The following CDK6 variants were observed in gnomAD, a reference collection of about 807,000 sequenced individuals.
CDK6 encodes the protein cyclin-dependent kinase 6.
In CDK6, 6 loss-of-function variants were observed where a neutral mutation model predicts 37.1. The ratio of observed to expected loss-of-function variants is 0.16; its 90% confidence interval spans 0.09 to 0.32. CDK6 has a LOEUF of 0.32. Ranked by LOEUF, CDK6 falls within the 10% of genes least tolerant of loss-of-function variation. CDK6 has a pLI of 1.00. For missense variants in CDK6, 224 were observed against 418.9 expected (o/e 0.53, Z 4.06); for synonymous variants, 160 against 161.3 (o/e 0.99, Z 0.06).
intron 3 of CDK6, among the ~76,000 whole-genome samples, chr7:92,730,691 T>C (rs1000346735): frequency 6.6e-6 from 1 of 152,208 alleles, no homozygotes; most frequent in Non-Finnish European, 1.5e-5. Flanking sequence ...GGTTCATTCA[T>C]GTTGTGGTGT....
intron 2 of CDK6, among the ~76,000 whole-genome samples, chr7:92,815,987 C>T (rs1801019852): frequency 6.6e-6 from 1 of 152,054 alleles, no homozygotes; most frequent in Non-Finnish European, 1.5e-5. Flanking sequence ...GAAGCAAAGC[C>T]TACATACACT....
chr7:92,671,337 T>C, intron 5 of CDK6, 89 bp downstream of exon 5: 1 of 804,274 alleles, frequency 1.2e-6, no homozygotes, highest in East Asian at 2.9e-5. Context: ...TGACCCCTAA[T>C]GATAGAAATG....
At chr7:92,642,163 C>G (rs1419898775) in intron 5 of CDK6, among the ~76,000 whole-genome samples, 1 of 152,132 alleles carries the variant, frequency 6.6e-6, no homozygotes, top group Non-Finnish European at 1.5e-5. Context: ...TAGGAGCCCC[C>G]AACTCCTCCT....
At chr7:92,716,088 A>G (rs1437130279) in intron 4 of CDK6, among the ~76,000 whole-genome samples, 1 of 152,178 alleles carries the variant, frequency 6.6e-6, no homozygotes, top group Non-Finnish European at 1.5e-5. Context: ...TGACGCAGGC[A>G]ATTGGGAAGA....
intron 5 of CDK6, among the ~76,000 whole-genome samples, chr7:92,648,244 C>G (rs1233517915): frequency 6.6e-6 from 1 of 152,172 alleles, no homozygotes; most frequent in East Asian, 1.9e-4. Context: ...GGCTTTGTCT[C>G]TAACCCAAGA....
chr7:92,801,263 T>A (rs2115899099), intron 2 of CDK6, among the ~76,000 whole-genome samples: 3 of 152,324 alleles, frequency 2.0e-5, no homozygotes, highest in Admixed American at 2.0e-4. Flanking sequence ...GAACAACTTT[T>A]ATTTATAACA....
rs1205841624 is a variant in CDK6 at position 92,613,774 on chromosome 7, TAAAAC to T, written c.*1361_*1365del. The T allele has an allele frequency of 1.7e-5, 4 of 233,028 alleles. No homozygotes were observed. The highest frequency in any genetic ancestry group is 3.4e-5 in the Non-Finnish European group (4 of 118,004). The allele number at this position is 233,028 out of a possible 1,614,324, so 14.4% of individuals were successfully genotyped here. Reference sequence around the variant, plus strand: ...TTTATAGCAATCTGTGTGCTGGTGATAAAACAAAACAAGATCCTACTCATTATTTA... The same window carrying T: ...TTTATAGCAATCTGTGTGCTGGTGATAAAACAAGATCCTACTCATTATTTA... On this transcript the variant is annotated 3_prime_UTR_variant, in exon 8 of 8. Transcript: ENST00000424848.
intron 3 of CDK6, among the ~76,000 whole-genome samples, chr7:92,772,242 T>C (rs1174059707): frequency 2.0e-5 from 3 of 152,206 alleles, no homozygotes; most frequent in Admixed American, 2.0e-4. Context: ...AAGAGTCTTC[T>C]AATTAGCTTT....
intron 5 of CDK6, among the ~76,000 whole-genome samples, chr7:92,667,893 G>A (rs1303780419): frequency 6.6e-6 from 1 of 152,100 alleles, no homozygotes; most frequent in Non-Finnish European, 1.5e-5. Flanking sequence ...GTTACAGTAA[G>A]CCAAGGTTGT....
rs1314839213 is a variant in CDK6, at chr7:92,606,241, C to T, written c.*8899G>A. On this transcript the variant is annotated 3_prime_UTR_variant, in exon 8 of 8. Coordinates refer to ENST00000424848, the MANE Select transcript of CDK6 (RefSeq NM_001145306.2). ...CACAGCCAAAACTGAATGCTCTGTA[C>T]AATGACTTGGTTTAAAAATCAAGAT... The T allele has an allele frequency of 4.3e-6, 1 of 233,360 alleles. No individual in the cohort carries two copies. The highest frequency in any genetic ancestry group is 2.2e-5 in the African/African-American group (1 of 45,336). 14.5% of individuals were successfully genotyped at this position (233,360 alleles called of 1,614,324 possible). A position where few individuals can be genotyped will look rare whatever the true frequency, so the allele number is the denominator to read the frequency against.
At chr7:92,696,656 G>A (rs1359326154) in intron 4 of CDK6, among the ~76,000 whole-genome samples, 1 of 152,158 alleles carries the variant, frequency 6.6e-6, no homozygotes, top group African/African-American at 2.4e-5. Flanking sequence ...TCAGGGACTA[G>A]AACAAACGCT....
At chr7:92,715,608 C>G (rs984851903) in intron 4 of CDK6, among the ~76,000 whole-genome samples, 1 of 152,088 alleles carries the variant, frequency 6.6e-6, no homozygotes, top group Non-Finnish European at 1.5e-5. Flanking sequence ...AAAGCAGGAG[C>G]AATAAGAGGA....
At chr7:92,695,871 C>G (rs922350277) in intron 4 of CDK6, among the ~76,000 whole-genome samples, 1 of 152,190 alleles carries the variant, frequency 6.6e-6, no homozygotes, top group African/African-American at 2.4e-5. Context: ...CCCTTGGATT[C>G]TGTGTGCACT....
In CDK6 at chr7:92,614,263, T is replaced by G. The variant is rs1400070015; in HGVS notation, c.*877A>C. On this transcript the variant is annotated 3_prime_UTR_variant, in exon 8 of 8. Coordinates refer to ENST00000424848, the MANE Select transcript of CDK6 (RefSeq NM_001145306.2). ...CCAGGAAATAAAGGCTTTCTATTCTTTTTTTTAAAATCTATCTGAGGTACA... is the reference window on the plus strand; with the variant it reads ...CCAGGAAATAAAGGCTTTCTATTCTGTTTTTTAAAATCTATCTGAGGTACA... 1 of 232,916 alleles carries G rather than the reference T, an allele frequency of 4.3e-6. No individual in the cohort carries two copies. Among genetic ancestry groups the G allele is most frequent in the Non-Finnish European group, 8.5e-6 (1 of 117,934 alleles). The allele number at this position is 232,916 out of a possible 1,614,324, so 14.4% of individuals were successfully genotyped here.
chr7:92,709,826 G>A (rs1798046992), intron 4 of CDK6, among the ~76,000 whole-genome samples: 1 of 152,170 alleles, frequency 6.6e-6, no homozygotes, highest in Admixed American at 6.5e-5. Flanking sequence ...CTCAAAAAGT[G>A]TTTGCTGATT....
intron 4 of CDK6, among the ~76,000 whole-genome samples, chr7:92,706,368 T>C (rs1797966122): frequency 6.6e-6 from 1 of 152,218 alleles, no homozygotes. Flanking sequence ...TACCACTGCA[T>C]TCCAGCTTGG....
intron 4 of CDK6, among the ~76,000 whole-genome samples, chr7:92,679,294 T>A (rs1195328298): frequency 6.6e-6 from 1 of 152,230 alleles, no homozygotes; most frequent in African/African-American, 2.4e-5. Context: ...GTGTCCTCTG[T>A]TAACATTTTA....
intron 3 of CDK6, among the ~76,000 whole-genome samples, chr7:92,751,233 C>T (rs1487370068): frequency 2.6e-5 from 4 of 152,162 alleles, no homozygotes; most frequent in African/African-American, 7.2e-5. Flanking sequence ...TATTTTGTCA[C>T]ACAAGAAAAA....
chr7:92,672,242 C>CAT (rs1554401747), intron 4 of CDK6, among the ~76,000 whole-genome samples: 1,940 of 116,238 alleles, frequency 0.017, 188 homozygotes, highest in South Asian at 0.04. Context: ...CACACACACA[C>CAT]ATATATGAAG....
Sources: gnomAD v4.1 joint callset for allele counts (sites outside exome capture counted in the v4.1 genomes callset) on GRCh38, gnomAD v4.1.1 for gene constraint, MANE v1.5 for transcripts, NCBI Gene and HGNC (gene_info 2026-07-23, HGNC 2026-07-21) for gene names.